MYRIP: variants seen among roughly 807,000 people sequenced by gnomAD.
MYRIP encodes the protein myosin VIIA and Rab interacting protein, also known as rab effector MyRIP.
MYRIP carries 49 observed loss-of-function variants against 98.0 expected under a neutral mutation model. The observed-to-expected ratio is 0.50, with a 90% CI of 0.40 to 0.63. MYRIP has a LOEUF of 0.63. MYRIP is among the 30% of genes least tolerant of loss of function. The probability of loss-of-function intolerance (pLI) is 0.00; values close to 1 mark genes in which losing one functional copy is unlikely to be tolerated. For missense variants in MYRIP, 1,004 were observed against 1,058.2 expected, an observed-to-expected ratio of 0.95 and a Z score of 0.71; for synonymous variants, 404 against 409.5, an observed-to-expected ratio of 0.99 and a Z score of 0.16.
At chr3:39,891,283 C>T (rs9833017) in intron 1 of MYRIP, among the ~76,000 whole-genome samples, 48,801 of 151,796 alleles carry the variant, frequency 0.32, 7,978 homozygotes, top group Middle Eastern at 0.46. Context: ...TTATTCTAAA[C>T]AGAAATATAG....
At chr3:39,928,140 A>G (rs1454271943) in intron 2 of MYRIP, among the ~76,000 whole-genome samples, 1 of 152,032 alleles carries the variant, frequency 6.6e-6, no homozygotes, top group African/African-American at 2.4e-5. Context: ...AATATAAAAT[A>G]GATTATTTCA....
intron 2 of MYRIP, among the ~76,000 whole-genome samples, chr3:39,962,607 A>G (rs1314664864): frequency 6.6e-6 from 1 of 152,114 alleles, no homozygotes; most frequent in Non-Finnish European, 1.5e-5. Flanking sequence ...TTGCATTGCA[A>G]AATGAAGAGA....
intron 9 of MYRIP, 51 bp downstream of exon 9, chr3:40,182,424 T>C (rs1950905981): frequency 1.9e-6 from 3 of 1,569,146 alleles, no homozygotes; most frequent in South Asian, 1.2e-5. Context: ...AAAAGTGTGG[T>C]TTGGAGACAT....
intron 11 of MYRIP, among the ~76,000 whole-genome samples, chr3:40,213,473 T>A (rs1952023256): frequency 6.6e-6 from 1 of 152,180 alleles, no homozygotes; most frequent in Non-Finnish European, 1.5e-5. Context: ...GCTGTGGGTC[T>A]GTAACTACAT....
intron 1 of MYRIP, among the ~76,000 whole-genome samples, chr3:39,811,415 TG>T (rs1322337370): frequency 1.3e-5 from 2 of 152,148 alleles, no homozygotes; most frequent in Non-Finnish European, 2.9e-5. Flanking sequence ...GGGTCTACGG[TG>T]GAAATGGAGG....
In MYRIP at chr3:40,258,215, A is replaced by G. The variant is rs1953662093; in HGVS notation, c.*49A>G. ...GACCCACTGCCTCCGGCCGTACACG[A>G]CAGTGCCTTGACCCAACAGCCATCG... On this transcript the variant is annotated 3_prime_UTR_variant, in exon 17 of 17. Coordinates refer to ENST00000302541, the MANE Select transcript of MYRIP (RefSeq NM_015460.4). The G allele has an allele frequency of 6.2e-7, 1 of 1,611,384 alleles. No individual in the cohort carries two copies. The highest frequency in any genetic ancestry group is 1.1e-5 in the South Asian group (1 of 91,036).
chr3:40,234,935 G>A (rs1177312736), intron 12 of MYRIP, among the ~76,000 whole-genome samples: 4 of 150,470 alleles, frequency 2.7e-5, no homozygotes, highest in African/African-American at 7.3e-5. Flanking sequence ...GAAGGCTGTA[G>A]TGAGCCAAGG....
chr3:39,931,848 G>A (rs1003752808), intron 2 of MYRIP, among the ~76,000 whole-genome samples: 9 of 152,186 alleles, frequency 5.9e-5, no homozygotes, highest in South Asian at 2.1e-4. Context: ...TGCATTCCTT[G>A]AATAAATCCT....
intron 2 of MYRIP, among the ~76,000 whole-genome samples, chr3:40,015,848 T>C (rs9820121): frequency 0.08 from 12,105 of 152,262 alleles, 769 homozygotes; most frequent in East Asian, 0.18. Flanking sequence ...TTTTGAAATT[T>C]AGTAAATAAG....
intron 3 of MYRIP, among the ~76,000 whole-genome samples, chr3:40,128,881 A>G (rs1052103623): frequency 3.9e-5 from 6 of 152,210 alleles, no homozygotes; most frequent in African/African-American, 9.7e-5. Flanking sequence ...ATCATTCTCA[A>G]TTTAGCTTGT....
At chr3:40,102,344 C>G (rs1424198119) in intron 3 of MYRIP, among the ~76,000 whole-genome samples, 1 of 152,276 alleles carries the variant, frequency 6.6e-6, no homozygotes, top group South Asian at 2.1e-4. Context: ...AATTCCTGAG[C>G]CTTGATGGGG....
intron 11 of MYRIP, among the ~76,000 whole-genome samples, chr3:40,225,233 T>C (rs889808859): frequency 2.6e-5 from 4 of 152,158 alleles, no homozygotes; most frequent in African/African-American, 9.7e-5. Context: ...GAGCACATCC[T>C]TTCTCGCTTG....
intron 1 of MYRIP, among the ~76,000 whole-genome samples, chr3:39,896,127 T>C (rs1156400679): frequency 6.6e-6 from 1 of 152,066 alleles, no homozygotes; most frequent in Non-Finnish European, 1.5e-5. Flanking sequence ...AAATGGAAAA[T>C]GTATTTCAGT....
At chr3:40,059,631 G>A (rs1279521915) in intron 3 of MYRIP, among the ~76,000 whole-genome samples, 1 of 152,016 alleles carries the variant, frequency 6.6e-6, no homozygotes, top group Non-Finnish European at 1.5e-5. Context: ...CTTTGTCTTT[G>A]AGTTCTTGAG....
rs977716550 is a variant in MYRIP at position 39,809,882 on chromosome 3, C to T, written c.-65C>T. 6.6e-6 allele frequency: 1 copy of T among 152,414 alleles called. No homozygotes were observed. The allele number at this position is 152,414 out of a possible 1,614,324, so 9.4% of individuals were successfully genotyped here. A position where few individuals can be genotyped will look rare whatever the true frequency, so the allele number is the denominator to read the frequency against. The stretch of plus-strand genomic sequence containing the variant: ...CTGAGCCCGGCCGCCATCGATGACC[C>T]CGGTCGCGGACTTGCTTCAGGCTGG... On this transcript the variant is annotated 5_prime_UTR_variant, in exon 1 of 17. Transcript: ENST00000302541.
chr3:39,821,363 C>A (rs550564061), intron 1 of MYRIP, among the ~76,000 whole-genome samples: 1 of 149,152 alleles, frequency 6.7e-6, no homozygotes, highest in East Asian at 2.1e-4. Context: ...CCTTCTTTGC[C>A]TTTTGGCCAA....
At chr3:39,828,114 G>A (rs367869131) in intron 1 of MYRIP, among the ~76,000 whole-genome samples, 21 of 151,872 alleles carry the variant, frequency 1.4e-4, no homozygotes, top group South Asian at 2.1e-4. Context: ...TCTAGGTGTC[G>A]ATGTCTATCT....
chr3:39,859,844 T>C (rs1942414228), intron 1 of MYRIP, among the ~76,000 whole-genome samples: 1 of 152,148 alleles, frequency 6.6e-6, no homozygotes, highest in Non-Finnish European at 1.5e-5. Context: ...ACAAATTGTT[T>C]ATAGAAGAAA....
intron 3 of MYRIP, among the ~76,000 whole-genome samples, chr3:40,046,228 A>G (rs1268465019): frequency 6.6e-6 from 1 of 152,076 alleles, no homozygotes; most frequent in Non-Finnish European, 1.5e-5. Flanking sequence ...AAGGAGTTGG[A>G]GAAGATGAGA....
Sources: gnomAD v4.1 joint callset for allele counts (sites outside exome capture counted in the v4.1 genomes callset) on GRCh38, gnomAD v4.1.1 for gene constraint, MANE v1.5 for transcripts, NCBI Gene and HGNC (gene_info 2026-07-23, HGNC 2026-07-21) for gene names.